SUGP1: variants seen among roughly 807,000 people sequenced by gnomAD.
SUGP1 encodes the protein SURP and G-patch domain containing 1, also known as SURP and G-patch domain-containing protein 1.
Under a neutral mutation model 76.5 loss-of-function variants are expected in SUGP1, and 34 were observed. That is an observed-to-expected ratio of 0.44 (90% confidence interval 0.34 to 0.59). The LOEUF (loss-of-function observed/expected upper bound fraction) is 0.59. Ranked by LOEUF, SUGP1 falls within the 20% of genes least tolerant of loss-of-function variation. SUGP1 has a pLI of 0.01. For synonymous variants in SUGP1, 326 were observed against 326.2 expected (o/e 1.00, Z 0.01); for missense variants, 752 against 851.7 (o/e 0.88, Z 1.46).
At chr19:19,280,361 G>A (rs2146591347) in intron 8 of SUGP1, 70 bp from the exon 9 acceptor site, 1 of 1,372,676 alleles carries the variant, frequency 7.3e-7, no homozygotes, top group Non-Finnish European at 1.0e-6. Flanking sequence ...GCGCTGGGGT[G>A]TGCTGTGAGT....
intron 2 of SUGP1, among the ~76,000 whole-genome samples, chr19:19,314,072 G>A (rs1015856115): frequency 2.6e-5 from 4 of 152,022 alleles, no homozygotes; most frequent in Non-Finnish European, 1.5e-5. Context: ...AAGAGGCGGA[G>A]GTCGCAGTGA....
At chr19:19,293,220 G>A (rs565776518) in intron 8 of SUGP1, among the ~76,000 whole-genome samples, 13 of 151,732 alleles carry the variant, frequency 8.6e-5, no homozygotes, top group African/African-American at 2.4e-4. Context: ...TGTTTTAACT[G>A]ATGCAGAAAA....
At chr19:19,295,468 G>C (rs1456078590) in intron 8 of SUGP1, among the ~76,000 whole-genome samples, 2 of 151,896 alleles carry the variant, frequency 1.3e-5, no homozygotes, top group Non-Finnish European at 2.9e-5. Context: ...GCCAGGCGTG[G>C]TGGCACACGC....
chr19:19,307,940 C>T (rs2061328679), intron 3 of SUGP1, among the ~76,000 whole-genome samples: 1 of 152,218 alleles, frequency 6.6e-6, no homozygotes, highest in Admixed American at 6.5e-5. Context: ...GCTGGAATTA[C>T]AGGCGTGAGC....
At chr19:19,291,655 C>T (rs1264449445) in intron 8 of SUGP1, among the ~76,000 whole-genome samples, 4 of 151,764 alleles carry the variant, frequency 2.6e-5, no homozygotes, top group East Asian at 1.9e-4. Context: ...TTTGGGAGGC[C>T]GAAGCGGGTG....
intron 7 of SUGP1, among the ~76,000 whole-genome samples, chr19:19,298,714 C>T (rs1487740422): frequency 1.3e-5 from 2 of 152,180 alleles, no homozygotes; most frequent in African/African-American, 2.4e-5. Flanking sequence ...AACAACTGTT[C>T]AGGAGAGAAG....
intron 8 of SUGP1, among the ~76,000 whole-genome samples, chr19:19,294,005 T>C (rs2061205612): frequency 6.6e-6 from 1 of 151,830 alleles, no homozygotes; most frequent in Non-Finnish European, 1.5e-5. Flanking sequence ...GGCAACATAG[T>C]GGGACCTCAT....
chr19:19,295,665 G>A lies in SUGP1; in HGVS notation c.1243+1324C>T, dbSNP rs1321901387. Reference sequence around the variant, plus strand: ...GCAGAGGTTGCAGTGAGCTGAGATCGTGCCACTTGCACTGCAGCCTGGGCA... The same window carrying A: ...GCAGAGGTTGCAGTGAGCTGAGATCATGCCACTTGCACTGCAGCCTGGGCA... On this transcript the variant is annotated intron_variant, in intron 8 of 13. Coordinates refer to ENST00000247001, the MANE Select transcript of SUGP1 (RefSeq NM_172231.4). Among the ~76,000 whole-genome samples the A allele has an allele frequency of 4.7e-5, 7 of 149,834 alleles. No homozygotes were observed. In the South Asian group the frequency reaches 8.5e-4, roughly 18 times the overall value.
chr19:19,303,816 T>C lies in SUGP1; in HGVS notation c.570A>G (p.Lys190=), dbSNP rs891610880. Residue 190 remains lysine, a synonymous_variant, in exon 5 of 14, where the codon AAA becomes AAG. Transcript: ENST00000247001. ...VSPPEGAETR[K]VIEKLARFVA... is the part of the protein sequence containing the mutation. The stretch of plus-strand genomic sequence containing the variant: ...CAAAGCGGGCCAATTTCTCTATCAC[T>C]TTCCGAGTCTCGGCTCCCTCTGGGG... 9 of 1,614,078 alleles carry C rather than the reference T, an allele frequency of 5.6e-6. No individual in the cohort carries two copies. The highest frequency in any genetic ancestry group is 2.7e-5 in the African/African-American group (2 of 74,932).
At chr19:19,291,891 A>T (rs12972806) in intron 8 of SUGP1, among the ~76,000 whole-genome samples, 4,390 of 83,494 alleles carry the variant, frequency 0.053, 89 homozygotes, top group Admixed American at 0.092. Context: ...AGACTCTGTC[A>T]CACACACACA....
At chr19:19,297,410 G>A (rs2061236339) in intron 7 of SUGP1, 66 bp from the exon 8 acceptor site, 2 of 1,390,206 alleles carry the variant, frequency 1.4e-6, no homozygotes, top group Non-Finnish European at 1.9e-6. Flanking sequence ...ATTCTGGGCA[G>A]GAGCAGTTCT....
intron 11 of SUGP1, among the ~76,000 whole-genome samples, chr19:19,278,287 A>G (rs572033290): frequency 1.8e-4 from 28 of 152,292 alleles, no homozygotes; most frequent in Non-Finnish European, 4.4e-5. Context: ...TTATAAAAAA[A>G]CCTCAAAAAG....
At chr19:19,315,198 C>T (rs1410357968) in intron 2 of SUGP1, among the ~76,000 whole-genome samples, 2 of 151,842 alleles carry the variant, frequency 1.3e-5, no homozygotes, top group Admixed American at 6.6e-5. Context: ...CATGGTGGCA[C>T]GTGCCTGTGG....
At chr19:19,319,074 T>C (rs145912413) in intron 1 of SUGP1, among the ~76,000 whole-genome samples, 67 of 152,040 alleles carry the variant, frequency 4.4e-4, no homozygotes, top group African/African-American at 1.5e-3. Flanking sequence ...ACAAAAACAC[T>C]GGCCAGGTGC....
Position 19,276,549 on chromosome 19 carries a change from G to T in SUGP1, c.*99C>A. On this transcript the variant is annotated 3_prime_UTR_variant, in exon 14 of 14. Coordinates refer to ENST00000247001, the MANE Select transcript of SUGP1 (RefSeq NM_172231.4). ...CACTGGGACTTTATTACACGGCACG[G>T]CACTCGTGACAACGGAAGGGGTGGG... The T allele has an allele frequency of 1.4e-6, 2 of 1,451,750 alleles. No homozygotes were observed. Among genetic ancestry groups the T allele is most frequent in the Non-Finnish European group, 1.9e-6 (2 of 1,039,132 alleles). The allele number at this position is 1,451,750 out of a possible 1,614,324, so 89.9% of individuals were successfully genotyped here.
At chr19:19,308,743 G>A (rs2061333914) in intron 3 of SUGP1, among the ~76,000 whole-genome samples, 1 of 152,270 alleles carries the variant, frequency 6.6e-6, no homozygotes. Flanking sequence ...CTCCCAAAGT[G>A]GTCTCACAAG....
At position 19,283,546 on chromosome 19, in the gene SUGP1, C is replaced by T. The variant is rs2061116432; in HGVS notation, c.1244-3255G>A. 2.6e-5 allele frequency among the ~76,000 whole-genome samples: 4 copies of T among 152,164 alleles called. No individual in the cohort carries two copies. In the South Asian group the frequency reaches 8.3e-4, roughly 32 times the overall value. ...TTCGGCTCACTGCAACCTCCGCCTC[C>T]TGGGTTCAAGAGATTCTCCTGCCTC... On this transcript the variant is annotated intron_variant, in intron 8 of 13. Transcript: ENST00000247001.
intron 7 of SUGP1, 180 bp downstream of exon 7, chr19:19,302,085 T>C: frequency 1.1e-6 from 1 of 913,276 alleles, no homozygotes; most frequent in Non-Finnish European, 1.6e-6. Flanking sequence ...GGTGCTGGTG[T>C]GTGCGTGGGA....
At chr19:19,312,733 A>G (rs2061361243) in intron 2 of SUGP1, among the ~76,000 whole-genome samples, 1 of 152,210 alleles carries the variant, frequency 6.6e-6, no homozygotes, top group South Asian at 2.1e-4. Flanking sequence ...CACGCCTGTA[A>G]TCCCAGCACT....
Sources: allele counts gnomAD v4.1 joint callset (sites outside exome capture counted in the v4.1 genomes callset), GRCh38; gene constraint gnomAD v4.1.1; transcripts MANE v1.5; gene names NCBI Gene and HGNC (gene_info 2026-07-23, HGNC 2026-07-21).